The following GALNTL6 variants were observed in gnomAD, a reference collection of about 807,000 sequenced individuals.
GALNTL6 encodes polypeptide N-acetylgalactosaminyltransferase-like 6.
Under a neutral mutation model 73.7 loss-of-function variants are expected in GALNTL6, and 46 were observed. That is an observed-to-expected ratio of 0.62 (90% CI 0.49 to 0.80). GALNTL6 has a LOEUF of 0.80. Among genes scored for constraint, GALNTL6 ranks in the 30% least tolerant of loss-of-function variants. The pLI is 0.00. For missense variants in GALNTL6, 604 were observed against 755.0 expected, an observed-to-expected ratio of 0.80 and a Z score of 2.34; for synonymous variants, 259 against 263.7, an observed-to-expected ratio of 0.98 and a Z score of 0.17.
intron 5 of GALNTL6, among the ~76,000 whole-genome samples, chr4:172,394,489 T>C (rs1447127212): frequency 6.8e-6 from 1 of 147,782 alleles, no homozygotes; most frequent in Non-Finnish European, 1.5e-5. Context: ...TGGAGTGCAG[T>C]GGTGCAATTT....
At chr4:172,355,023 T>G (rs944086039) in intron 5 of GALNTL6, among the ~76,000 whole-genome samples, 3 of 152,076 alleles carry the variant, frequency 2.0e-5, no homozygotes, top group Non-Finnish European at 4.4e-5. Context: ...AGTAGAAATC[T>G]GTTTTAAGCA....
At chr4:172,516,693 A>G (rs1734618525) in intron 5 of GALNTL6, among the ~76,000 whole-genome samples, 1 of 152,194 alleles carries the variant, frequency 6.6e-6, no homozygotes, top group Non-Finnish European at 1.5e-5. Context: ...ATATACATCC[A>G]AAAGAATTGA....
chr4:171,999,980 G>A (rs1334553436), intron 2 of GALNTL6, among the ~76,000 whole-genome samples: 1 of 152,088 alleles, frequency 6.6e-6, no homozygotes, highest in Non-Finnish European at 1.5e-5. Context: ...GGAATATGGT[G>A]GGAAAGTAAA....
At chr4:171,818,381 A>G (rs1734580922) in intron 2 of GALNTL6, among the ~76,000 whole-genome samples, 3 of 151,908 alleles carry the variant, frequency 2.0e-5, no homozygotes, top group Admixed American at 2.0e-4. Flanking sequence ...AAAAAAAGTA[A>G]CTGTAATAGT....
chr4:172,650,165 G>A (rs144277880), intron 5 of GALNTL6, among the ~76,000 whole-genome samples: 4 of 152,238 alleles, frequency 2.6e-5, no homozygotes, highest in East Asian at 1.9e-4. Flanking sequence ...TGTCCATCTG[G>A]TGATGAGATT....
At chr4:172,086,589 C>T (rs188142859) in intron 2 of GALNTL6, among the ~76,000 whole-genome samples, 31 of 152,242 alleles carry the variant, frequency 2.0e-4, no homozygotes, top group Admixed American at 6.5e-4. Flanking sequence ...TTGAGATTAA[C>T]TGGCGAGTCA....
intron 2 of GALNTL6, among the ~76,000 whole-genome samples, chr4:172,134,874 C>G (rs927393952): frequency 6.6e-6 from 1 of 152,110 alleles, no homozygotes; most frequent in Non-Finnish European, 1.5e-5. Flanking sequence ...TGGTCTTTGG[C>G]GTGTAAATGA....
intron 7 of GALNTL6, among the ~76,000 whole-genome samples, chr4:172,873,747 C>T (rs1435829094): frequency 1.3e-5 from 2 of 152,064 alleles, no homozygotes; most frequent in Admixed American, 1.3e-4. Context: ...TTCCTCAGGT[C>T]CTGTTTTTTT....
At chr4:172,965,419 T>C (rs976327135) in intron 10 of GALNTL6, among the ~76,000 whole-genome samples, 8 of 151,886 alleles carry the variant, frequency 5.3e-5, no homozygotes, top group African/African-American at 1.7e-4. Flanking sequence ...CCGTCTCTAC[T>C]AAAAATACAA....
At chr4:172,962,872 C>T (rs1246383262) in intron 10 of GALNTL6, among the ~76,000 whole-genome samples, 1 of 152,126 alleles carries the variant, frequency 6.6e-6, no homozygotes, top group Non-Finnish European at 1.5e-5. Context: ...AGCTGGATTA[C>T]TGCACTTGTC....
At chr4:172,822,683 A>C (rs1742001575) in intron 7 of GALNTL6, among the ~76,000 whole-genome samples, 1 of 152,168 alleles carries the variant, frequency 6.6e-6, no homozygotes, top group Admixed American at 6.5e-5. Context: ...ACCACCCAAT[A>C]GTTAAAGATA....
intron 5 of GALNTL6, among the ~76,000 whole-genome samples, chr4:172,737,785 A>G (rs1736556212): frequency 1.3e-5 from 2 of 152,110 alleles, no homozygotes; most frequent in East Asian, 3.9e-4. Context: ...GCAATTCTTT[A>G]CTAGTGGATT....
chr4:172,526,432 A>T (rs1301830401), intron 5 of GALNTL6, among the ~76,000 whole-genome samples: 2 of 152,198 alleles, frequency 1.3e-5, no homozygotes, highest in Non-Finnish European at 1.5e-5. Flanking sequence ...AAGGTCACAG[A>T]TACGAGTAGC....
intron 12 of GALNTL6, among the ~76,000 whole-genome samples, chr4:173,031,513 A>C (rs1404708570): frequency 6.6e-6 from 1 of 152,174 alleles, no homozygotes; most frequent in Admixed American, 6.5e-5. Context: ...TGTGGCACAT[A>C]ATAGGTACTT....
At chr4:172,095,421 G>T (rs1446838941) in intron 2 of GALNTL6, among the ~76,000 whole-genome samples, 1 of 152,158 alleles carries the variant, frequency 6.6e-6, no homozygotes, top group Non-Finnish European at 1.5e-5. Context: ...GGAAAAAAAT[G>T]CAAACAAAAA....
chr4:172,013,738 A>G (rs1251224322), intron 2 of GALNTL6, among the ~76,000 whole-genome samples: 1 of 152,050 alleles, frequency 6.6e-6, no homozygotes, highest in Non-Finnish European at 1.5e-5. Flanking sequence ...TTATTTATAA[A>G]TGTAAAACTA....
intron 9 of GALNTL6, among the ~76,000 whole-genome samples, chr4:172,944,995 T>C (rs1579689439): frequency 6.6e-6 from 1 of 150,442 alleles, no homozygotes; most frequent in Non-Finnish European, 1.5e-5. Flanking sequence ...GAGGTGGAGG[T>C]TGCAGTGAGC....
chr4:172,964,171 A>G (rs1750219517), intron 10 of GALNTL6, among the ~76,000 whole-genome samples: 1 of 152,224 alleles, frequency 6.6e-6, no homozygotes, highest in Non-Finnish European at 1.5e-5. Context: ...TAAACCACTC[A>G]CATATGGAGT....
intron 2 of GALNTL6, among the ~76,000 whole-genome samples, chr4:171,967,309 T>C (rs1389570034): frequency 6.6e-6 from 1 of 152,232 alleles, no homozygotes; most frequent in Non-Finnish European, 1.5e-5. Flanking sequence ...CGATGGATCA[T>C]GGCCTTCCAT....
Sources: allele counts gnomAD v4.1 joint callset (sites outside exome capture counted in the v4.1 genomes callset), GRCh38; gene constraint gnomAD v4.1.1; transcripts MANE v1.5; gene names NCBI Gene and HGNC (gene_info 2026-07-23, HGNC 2026-07-21).